SYNE1: variants seen among roughly 807,000 people sequenced by gnomAD.
SYNE1 encodes spectrin repeat containing nuclear envelope protein 1.
In SYNE1, 616 loss-of-function variants were observed where a neutral mutation model predicts 1,111.0. The observed-to-expected ratio is 0.55, with a 90% CI of 0.52 to 0.59. SYNE1 has a LOEUF of 0.59. SYNE1 is among the 20% of genes least tolerant of loss of function. The probability of loss-of-function intolerance (pLI) is 0.00; values close to 1 mark genes in which losing one functional copy is unlikely to be tolerated. For missense variants in SYNE1, 10,006 were observed against 10,417.0 expected, an observed-to-expected ratio of 0.96 and a Z score of 1.72; for synonymous variants, 3,855 against 3,825.8, an observed-to-expected ratio of 1.01 and a Z score of -0.28.
chr6:152,334,868 G>T (rs1272717095), intron 76 of SYNE1, among the ~76,000 whole-genome samples: 1 of 152,198 alleles, frequency 6.6e-6, no homozygotes, highest in Non-Finnish European at 1.5e-5. Context: ...TCAAGATGGA[G>T]TCGCTCTGGT....
intron 127 of SYNE1, among the ~76,000 whole-genome samples, chr6:152,194,819 T>C (rs2073662948): frequency 6.6e-6 from 1 of 152,230 alleles, no homozygotes. Context: ...AATTACATTT[T>C]TCAACTTCAG....
In SYNE1 at chr6:152,391,579, G is replaced by GCAAAAA; in HGVS notation, c.7713-12_7713-11insTTTTTG. 9 of 855,066 alleles carry GCAAAAA rather than the reference G, an allele frequency of 1.1e-5. No individual in the cohort carries two copies. Among genetic ancestry groups the GCAAAAA allele is most frequent in the East Asian group, 1.0e-4 (2 of 19,150 alleles). The allele number at this position is 855,066 out of a possible 1,614,324, so 53.0% of individuals were successfully genotyped here. A position where few individuals can be genotyped will look rare whatever the true frequency, so the allele number is the denominator to read the frequency against. The stretch of plus-strand genomic sequence containing the variant: ...TTATCAAGAGACTCTCTGAAAAAAA[G>GCAAAAA]GAAAAAAAAAAAAAAGAAAAAAAAT... On this transcript the variant is annotated splice_polypyrimidine_tract_variant and intron_variant, in intron 51 of 145. Coordinates refer to ENST00000367255, the MANE Select transcript of SYNE1 (RefSeq NM_182961.4).
chr6:152,458,633 A>T, intron 22 of SYNE1, 124 bp downstream of exon 22: 1 of 1,002,714 alleles, frequency 1.0e-6, no homozygotes. Context: ...TTTTGTTTTG[A>T]GTTAGTAGTA....
At chr6:152,479,426 A>G (rs1333565782) in intron 14 of SYNE1, among the ~76,000 whole-genome samples, 1 of 152,212 alleles carries the variant, frequency 6.6e-6, no homozygotes, top group Non-Finnish European at 1.5e-5. Context: ...CCAAATCAAT[A>G]CTAAGAATAA....
intron 62 of SYNE1, among the ~76,000 whole-genome samples, chr6:152,366,042 A>T (rs2097070508): frequency 6.6e-6 from 1 of 152,132 alleles, no homozygotes; most frequent in South Asian, 2.1e-4. Flanking sequence ...ATTCTTAAAA[A>T]CTTGGTTTTG....
chr6:152,367,477 C>T lies in SYNE1; in HGVS notation c.9808-95G>A, dbSNP rs2097101897. On this transcript the variant is annotated intron_variant, in intron 61 of 145. Transcript: ENST00000367255. ...TTGAAACAAAGGCAATCAGTCATGGCTTCATACGCTGCACAGATACGAGGC... is the reference window on the plus strand; with the variant it reads ...TTGAAACAAAGGCAATCAGTCATGGTTTCATACGCTGCACAGATACGAGGC... 4 of 1,397,384 alleles carry T rather than the reference C, an allele frequency of 2.9e-6. No homozygotes were observed. In the South Asian group the frequency reaches 3.5e-5, roughly 12 times the overall value. The allele number at this position is 1,397,384 out of a possible 1,614,324, so 86.6% of individuals were successfully genotyped here.
At chr6:152,609,979 T>C (rs2099626721) in intron 3 of SYNE1, among the ~76,000 whole-genome samples, 1 of 152,002 alleles carries the variant, frequency 6.6e-6, no homozygotes, top group Admixed American at 6.5e-5. Context: ...TACAGCAAAA[T>C]CCCATCTGTA....
In SYNE1 at chr6:152,442,245, G is replaced by T. The variant is rs2154233505; in HGVS notation, c.3838C>A (p.Gln1280Lys). ...TTTGCTGAGATCCGCTTTGTCTTTT[G>T]CTAGAAGCATTTATTCAACAGATGG... ...EAQQLLLHHQ[Q>K]KTKRISAKKR... Residue 1280 changes from glutamine (Q) to lysine (K), a missense_variant and splice_region_variant, in exon 31 of 146, where the codon CAA becomes AAA. Transcript: ENST00000367255. The T allele has an allele frequency of 6.2e-7, 1 of 1,612,520 alleles. No homozygotes were observed. The highest frequency in any genetic ancestry group is 2.2e-5 in the East Asian group (1 of 44,882).
intron 84 of SYNE1, among the ~76,000 whole-genome samples, chr6:152,319,651 A>G (rs2095823446): frequency 1.3e-5 from 2 of 152,234 alleles, no homozygotes; most frequent in African/African-American, 4.8e-5. Context: ...AAAAGACATT[A>G]AAGAGAAGAA....
At position 152,430,692 on chromosome 6, in the gene SYNE1, T is replaced by C. The variant is rs1253345728; in HGVS notation, c.4479A>G (p.Ile1493Met). The change falls in exon 35 of 146, where the codon ATA (isoleucine) becomes ATG (methionine). Residue 1493 changes from isoleucine (I) to methionine (M), a missense_variant. Physicochemically the swap from Ile to Met is conservative, Grantham distance 10 (BLOSUM62 1). Around this residue, in one of 7 missense-constraint regions of SYNE1, gnomAD observed 1,971 missense variants for 2,084.1 expected, o/e 0.95. Transcript: ENST00000367255. ...ISQIKVTIQE[I>M]ESKLSSIVGL... ...CTACAATGCTGCTGAGCTTACTTTC[T>C]ATTTCCTGAATTGTGACCTAATAGT... The C allele has an allele frequency of 6.2e-7, 1 of 1,614,102 alleles. No individual in the cohort carries two copies. The highest frequency in any genetic ancestry group is 2.2e-5 in the East Asian group (1 of 44,876).
At chr6:152,588,712 G>A (rs1418412604) in intron 3 of SYNE1, among the ~76,000 whole-genome samples, 1 of 152,158 alleles carries the variant, frequency 6.6e-6, no homozygotes, top group African/African-American at 2.4e-5. Flanking sequence ...GTGAACATTA[G>A]AAGGGAGAAG....
chr6:152,373,060 G>A lies in SYNE1; in HGVS notation c.9484C>T (p.His3162Tyr), dbSNP rs1201355219. The change falls in exon 59 of 146, where the codon CAC becomes TAC. Residue 3162 changes from histidine to tyrosine, a missense_variant. Coordinates refer to ENST00000367255, the MANE Select transcript of SYNE1 (RefSeq NM_182961.4). ...ACCTCTAGAGCAGATTCTTTTTGGT[G>A]GAGATTTGAATGAAAATTTTTCCAA... is the stretch of plus-strand genomic sequence containing the variant. ...EDWKNFHSNL[H>Y]QKESALENLK... The A allele has an allele frequency of 1.9e-6, 3 of 1,614,088 alleles. No individual in the cohort carries two copies. Among genetic ancestry groups the A allele is most frequent in the Admixed American group, 1.7e-5 (1 of 60,012 alleles).
At chr6:152,351,369 T>C (rs2096737780) in intron 70 of SYNE1, among the ~76,000 whole-genome samples, 1 of 152,178 alleles carries the variant, frequency 6.6e-6, no homozygotes, top group African/African-American at 2.4e-5. Flanking sequence ...GGGAAAGCTT[T>C]GGGGTAAGCC....
intron 3 of SYNE1, among the ~76,000 whole-genome samples, chr6:152,602,581 A>G (rs1413449171): frequency 1.3e-5 from 2 of 152,244 alleles, no homozygotes; most frequent in African/African-American, 4.8e-5. Flanking sequence ...GGTGATGTTA[A>G]TTAGTACTTT....
At chr6:152,141,456 G>A (rs1037096163) in intron 138 of SYNE1, 127 bp from the exon 139 acceptor site, 58 of 1,325,322 alleles carry the variant, frequency 4.4e-5, no homozygotes, top group Non-Finnish European at 5.7e-5. Context: ...GTGCCACCCT[G>A]CTAAAAATAA....
At position 152,148,826 on chromosome 6, in the gene SYNE1, C is replaced by T. The variant is rs549941063; in HGVS notation, c.24643-448G>A. On this transcript the variant is annotated intron_variant, in intron 136 of 145. Coordinates refer to ENST00000367255, the MANE Select transcript of SYNE1 (RefSeq NM_182961.4). The surrounding 1 kb of genome is among the most constrained non-coding windows in gnomAD (Gnocchi z 4.1). ...TATTATAAAGAAAGGCAATCTACTA[C>T]CATGCCCACCACACAACACCTACAC... is the stretch of plus-strand genomic sequence containing the variant. Among the ~76,000 whole-genome samples, 10 of 151,918 alleles carry T rather than the reference C, an allele frequency of 6.6e-5. No homozygotes were observed. The highest frequency in any genetic ancestry group is 2.2e-4 in the African/African-American group (9 of 41,446).
chr6:152,227,983 C>A (rs2081985729), intron 115 of SYNE1, among the ~76,000 whole-genome samples: 1 of 152,140 alleles, frequency 6.6e-6, no homozygotes, highest in African/African-American at 2.4e-5. Context: ...TCGATTAATT[C>A]ATAAATATCA....
intron 66 of SYNE1, 38 bp from the exon 67 acceptor site, chr6:152,355,014 A>G (rs749227078): frequency 1.9e-6 from 3 of 1,608,210 alleles, no homozygotes; most frequent in Admixed American, 1.7e-5. Flanking sequence ...TCTCAATCAT[A>G]TTTCACACTT....
At chr6:152,318,834 G>T in intron 85 of SYNE1, 29 bp downstream of exon 85, 1 of 1,612,904 alleles carries the variant, frequency 6.2e-7, no homozygotes, top group Non-Finnish European at 8.5e-7. Flanking sequence ...AATTCATTCA[G>T]TAGTACCCTT....
Sources: allele counts gnomAD v4.1 joint callset (sites outside exome capture counted in the v4.1 genomes callset), GRCh38; gene constraint gnomAD v4.1.1; regional missense constraint gnomAD v4.1.1; non-coding constraint Gnocchi (gnomAD v3.1); transcripts MANE v1.5; gene names NCBI Gene and HGNC (gene_info 2026-07-23, HGNC 2026-07-21).